The following ZFP64 variants were observed in gnomAD, a reference collection of about 807,000 sequenced individuals.
ZFP64 encodes zinc finger protein 64.
ZFP64 carries 14 observed loss-of-function variants against 51.6 expected under a neutral mutation model. The ratio of observed to expected loss-of-function variants is 0.27; its 90% CI spans 0.18 to 0.42. The LOEUF (loss-of-function observed/expected upper bound fraction) is 0.42, where lower values mean the gene tolerates loss of function less well. ZFP64 is among the 10% of genes least tolerant of loss of function. ZFP64 has a pLI of 1.00. For missense variants in ZFP64, 754 were observed against 906.8 expected (o/e 0.83, Z 2.16); for synonymous variants, 375 against 361.4 (o/e 1.04, Z -0.43).
chr20:52,185,579 C>CT (rs11472663), intron 2 of ZFP64, among the ~76,000 whole-genome samples: 64,968 of 127,748 alleles, frequency 0.51, 17,276 homozygotes, highest in Admixed American at 0.57. Context: ...CCACTTTGCA[C>CT]TTTTTTTTTT....
intron 8 of ZFP64, among the ~76,000 whole-genome samples, chr20:52,086,507 TCA>T (rs1411499665): frequency 6.7e-6 from 1 of 149,230 alleles, no homozygotes; most frequent in African/African-American, 2.5e-5. Flanking sequence ...ATACAGAGTC[TCA>T]CTCTGTCGCC....
rs530609955 is a variant in ZFP64, at chr20:52,090,873, T to G, written c.977-2230A>C. Among the ~76,000 whole-genome samples the G allele has an allele frequency of 2.6e-4, 33 of 125,204 alleles. 1 individual carries two copies. The highest frequency in any genetic ancestry group is 9.9e-4 in the African/African-American group (32 of 32,294). The allele number at this position is 125,204 out of a possible 152,430, so 82.1% of individuals were successfully genotyped here. A position where few individuals can be genotyped will look rare whatever the true frequency, so the allele number is the denominator to read the frequency against. On this transcript the variant is annotated intron_variant, in intron 7 of 8. Transcript: ENST00000361387. The stretch of plus-strand genomic sequence containing the variant: ...TCCCAACACTTTTGAGAGGATCACT[T>G]AAGTCCAGAAGTTCTAGACCAGCCT...
At chr20:52,109,778 C>A (rs1978451151) in intron 5 of ZFP64, among the ~76,000 whole-genome samples, 1 of 114,060 alleles carries the variant, frequency 8.8e-6, no homozygotes. Context: ...GAAATTCCAC[C>A]TCAAAAAAAA....
intron 5 of ZFP64, among the ~76,000 whole-genome samples, chr20:52,115,419 T>G (rs1978814370): frequency 1.3e-5 from 2 of 149,926 alleles, no homozygotes; most frequent in Admixed American, 1.3e-4. Context: ...CAGCTTTTTT[T>G]TTTTTTTTTT....
intron 5 of ZFP64, among the ~76,000 whole-genome samples, chr20:52,138,774 A>T (rs141871779): frequency 5.8e-4 from 88 of 152,350 alleles, no homozygotes; most frequent in African/African-American, 2.0e-3. Context: ...AGAAAGGATT[A>T]GAAGAATTGA....
At chr20:52,086,447 C>A (rs2078864840) in intron 8 of ZFP64, among the ~76,000 whole-genome samples, 1 of 151,516 alleles carries the variant, frequency 6.6e-6, no homozygotes, top group Admixed American at 6.6e-5. Context: ...AGAAGTCATC[C>A]ACTCTCATAA....
At chr20:52,120,667 C>CTTTTTTT in intron 5 of ZFP64, among the ~76,000 whole-genome samples, 1 of 57,436 alleles carries the variant, frequency 1.7e-5, no homozygotes, top group Non-Finnish European at 3.0e-5. Context: ...GATCAGTGAT[C>CTTTTTTT]TTTTTTTTTT....
chr20:52,153,027 G>A lies in ZFP64; in HGVS notation c.1165C>T (p.His389Tyr). The A allele has an allele frequency of 6.2e-7, 1 of 1,614,026 alleles. No homozygotes were observed. The highest frequency in any genetic ancestry group is 8.5e-7 in the Non-Finnish European group (1 of 1,180,034). ...ATGTCCCCATGGAACTTCTTCATGT[G>A]CTTGCTCAGGTTGCTGGGCTGTTTG... Reference protein sequence around the residue: ...DTKQPSNLSKHMKKFHGDMVK... With the variant: ...DTKQPSNLSKYMKKFHGDMVK... The change falls in exon 6 of 6, where the codon CAC becomes TAC. Residue 389 changes from histidine (H) to tyrosine (Y), a missense_variant. By Grantham distance (83) the His-to-Tyr change is moderately conservative. Transcript: ENST00000216923. This position sits in a 1 kb window ranked among gnomAD's most constrained non-coding sequence, Gnocchi z 5.1.
At chr20:52,097,550 G>A (rs1424702901) in intron 6 of ZFP64, 9 of 924,740 alleles carry the variant, frequency 9.7e-6, no homozygotes, top group Admixed American at 7.1e-5. Flanking sequence ...CGCCTCCCGG[G>A]TTCAAGAGAT....
In ZFP64 at chr20:52,186,727, C is replaced by T. The variant is rs189476866; in HGVS notation, c.286+105G>A. 2.7e-5 allele frequency: 40 copies of T among 1,472,336 alleles called. No homozygotes were observed. The East Asian group carries it at 8.7e-4, about 32-fold the overall frequency. The allele number at this position is 1,472,336 out of a possible 1,614,324, so 91.2% of individuals were successfully genotyped here. A position where few individuals can be genotyped will look rare whatever the true frequency, so the allele number is the denominator to read the frequency against. ...TTGTTAAAAATAATGAATCAGCAAC[C>T]CTAGGGGGTGGGCTCTGGGAATCTA... On this transcript the variant is annotated intron_variant, in intron 2 of 5. Coordinates refer to ENST00000216923, the MANE Select transcript of ZFP64 (RefSeq NM_018197.3).
intron 5 of ZFP64, among the ~76,000 whole-genome samples, chr20:52,130,689 G>C (rs1979682213): frequency 6.6e-6 from 1 of 152,086 alleles, no homozygotes; most frequent in South Asian, 2.1e-4. Context: ...TGTGACACCA[G>C]GCAGGCTCTT....
intron 1 of ZFP64, 42 bp from the exon 2 acceptor site, chr20:52,187,113 G>T: frequency 6.4e-7 from 1 of 1,573,468 alleles, no homozygotes; most frequent in Non-Finnish European, 8.7e-7. Context: ...ATTCCAAACA[G>T]CTTTGAATTG....
intron 5 of ZFP64, chr20:52,104,649 G>C (rs943746690): frequency 2.1e-6 from 1 of 470,592 alleles, no homozygotes; most frequent in Non-Finnish European, 4.4e-6. Flanking sequence ...CTTCCCCCGG[G>C]TACCTGCACA....
chr20:52,162,573 A>C (rs1458797677), intron 4 of ZFP64, among the ~76,000 whole-genome samples: 1 of 149,906 alleles, frequency 6.7e-6, no homozygotes. Flanking sequence ...CTTGCAGTGA[A>C]CCAAGATCGC....
At chr20:52,105,451 G>A in intron 5 of ZFP64, 7 of 1,029,190 alleles carry the variant, frequency 6.8e-6, no homozygotes, top group Non-Finnish European at 8.7e-6. Flanking sequence ...TCCGCTCCCG[G>A]GCAGCCCGCG....
At chr20:52,107,436 C>A (rs2098173918) in intron 5 of ZFP64, among the ~76,000 whole-genome samples, 1 of 152,074 alleles carries the variant, frequency 6.6e-6, no homozygotes, top group South Asian at 2.1e-4. Context: ...AGGACCTTAA[C>A]CACAACCTAC....
chr20:52,123,505 G>C (rs1453045079), intron 5 of ZFP64, among the ~76,000 whole-genome samples: 1 of 152,128 alleles, frequency 6.6e-6, no homozygotes, highest in African/African-American at 2.4e-5. Context: ...TCGACCTCCA[G>C]GCAAGACCCT....
downstream of ZFP64, among the ~76,000 whole-genome samples, chr20:52,147,766 G>A (rs1429220993): frequency 6.6e-6 from 1 of 152,140 alleles, no homozygotes; most frequent in Non-Finnish European, 1.5e-5. Flanking sequence ...TGTAATCCCA[G>A]CACTTTGGGA....
chr20:52,155,786 C>G (rs928339040), intron 5 of ZFP64, among the ~76,000 whole-genome samples: 1 of 152,000 alleles, frequency 6.6e-6, no homozygotes, highest in African/African-American at 2.4e-5. Flanking sequence ...TGGCACATAG[C>G]GAGGTTTAAA....
Sources: gnomAD v4.1 joint callset for allele counts (sites outside exome capture counted in the v4.1 genomes callset) on GRCh38, gnomAD v4.1.1 for gene constraint, Gnocchi (gnomAD v3.1) non-coding constraint, MANE v1.5 for transcripts, NCBI Gene and HGNC (gene_info 2026-07-23, HGNC 2026-07-21) for gene names.